Variants in OSBPL10 observed in about 807,000 individuals in gnomAD.
OSBPL10 encodes oxysterol-binding protein-related protein 10.
OSBPL10 carries 49 observed loss-of-function variants against 81.7 expected under a neutral mutation model. The ratio of observed to expected loss-of-function variants is 0.60; its 90% CI spans 0.48 to 0.76. The LOEUF (loss-of-function observed/expected upper bound fraction) is 0.76, where lower values mean the gene tolerates loss of function less well. OSBPL10 is among the 30% of genes least tolerant of loss of function. OSBPL10 has a pLI of 0.00. For synonymous variants in OSBPL10, 419 were observed against 383.6 expected, an observed-to-expected ratio of 1.09 and a Z score of -1.08; for missense variants, 923 against 987.8, an observed-to-expected ratio of 0.93 and a Z score of 0.88.
chr3:31,818,397 C>T (rs940044430), intron 4 of OSBPL10, among the ~76,000 whole-genome samples: 1 of 152,210 alleles, frequency 6.6e-6, no homozygotes, highest in African/African-American at 2.4e-5. Context: ...CTCCCAAATT[C>T]CGCGAACCAA....
chr3:32,044,461 G>A (rs564527792), intron 2 of OSBPL10, among the ~76,000 whole-genome samples: 4 of 150,428 alleles, frequency 2.7e-5, no homozygotes, highest in South Asian at 4.2e-4. Flanking sequence ...CTGAATCCTG[G>A]TCGGGTGCTG....
intron 2 of OSBPL10, among the ~76,000 whole-genome samples, chr3:32,043,270 C>A (rs530334777): frequency 1.3e-5 from 2 of 152,270 alleles, no homozygotes; most frequent in East Asian, 3.9e-4. Context: ...AGGCTCTCTG[C>A]AAGAAGAAAA....
In OSBPL10 at chr3:31,740,872, A is replaced by T. The variant is rs188536676; in HGVS notation, c.940+7038T>A. 3.9e-3 allele frequency among the ~76,000 whole-genome samples: 302 copies of T among 78,188 alleles called. 13 individuals carry two copies. Among genetic ancestry groups the T allele is most frequent in the African/African-American group, 0.032 (291 of 9,216 alleles). The allele number at this position is 78,188 out of a possible 152,430, so 51.3% of individuals were successfully genotyped here. A position where few individuals can be genotyped will look rare whatever the true frequency, so the allele number is the denominator to read the frequency against. Reference sequence around the variant, plus strand: ...CTACTAGAATTTATATATATATGTCATATTTCTTCCCAAAATACTAAAGAA... The same window carrying T: ...CTACTAGAATTTATATATATATGTCTTATTTCTTCCCAAAATACTAAAGAA... On this transcript the variant is annotated intron_variant, in intron 5 of 11. Transcript: ENST00000396556.
chr3:32,027,186 G>A (rs767244096), intron 2 of OSBPL10, among the ~76,000 whole-genome samples: 1 of 151,698 alleles, frequency 6.6e-6, no homozygotes, highest in African/African-American at 2.4e-5. Context: ...CTTTGCCCCC[G>A]ACCCCCTGAC....
chr3:31,902,555 G>A lies in OSBPL10; in HGVS notation c.282-22725C>T, dbSNP rs559683353. ...TGGGATTACAGGCATGAGCCACTGC[G>A]CCCAGCCTTCCTGCCAGTGTTTTTT... is the stretch of plus-strand genomic sequence containing the variant. On this transcript the variant is annotated intron_variant, in intron 1 of 11. Coordinates refer to ENST00000396556, the MANE Select transcript of OSBPL10 (RefSeq NM_017784.5). Among the ~76,000 whole-genome samples the A allele has an allele frequency of 4.8e-4, 73 of 151,672 alleles. No individual in the cohort carries two copies. In the South Asian group the frequency reaches 0.015, roughly 31 times the overall value.
chr3:31,894,573 G>C (rs1696000377), intron 1 of OSBPL10, among the ~76,000 whole-genome samples: 1 of 152,160 alleles, frequency 6.6e-6, no homozygotes, highest in Admixed American at 6.5e-5. Flanking sequence ...TGTTGTTGAT[G>C]CAGCAAGCCC....
In OSBPL10 at chr3:31,748,132, G is replaced by C. The variant is rs373528107; in HGVS notation, c.730-12C>G. The C allele has an allele frequency of 1.5e-4, 235 of 1,604,996 alleles. No homozygotes were observed. In the Middle Eastern group the frequency reaches 2.3e-3, roughly 16 times the overall value. ...ACCTGGTTCATCATCTACAAAACAA[G>C]AAGACAGTAAGGAGGTGAGGGGCGG... On this transcript the variant is annotated splice_polypyrimidine_tract_variant and intron_variant, in intron 4 of 11. Transcript: ENST00000396556.
intron 1 of OSBPL10, among the ~76,000 whole-genome samples, chr3:31,945,809 A>AC (rs759273649): frequency 5.9e-5 from 9 of 152,108 alleles, no homozygotes; most frequent in Non-Finnish European, 1.2e-4. Flanking sequence ...TGAGCCTGTG[A>AC]CCCCTGGTCT....
chr3:31,836,208 T>A (rs532083702), intron 3 of OSBPL10, among the ~76,000 whole-genome samples: 87 of 152,308 alleles, frequency 5.7e-4, no homozygotes, highest in African/African-American at 2.0e-3. Flanking sequence ...CATAGAAAAT[T>A]TCTTCCATTG....
intron 2 of OSBPL10, among the ~76,000 whole-genome samples, chr3:32,044,741 C>CAAAAAAAAAAAAA (rs34855965): frequency 1.5e-5 from 1 of 67,068 alleles, no homozygotes; most frequent in Non-Finnish European, 2.7e-5. Flanking sequence ...AACTCCATCT[C>CAAAAAAAAAAAAA]AAAAAAAAAA....
intron 2 of OSBPL10, among the ~76,000 whole-genome samples, chr3:32,028,927 G>GAC (rs58442955): frequency 0.034 from 3,515 of 104,802 alleles, 103 homozygotes; most frequent in African/African-American, 0.06. Context: ...AGCTAGTCAG[G>GAC]ACACACACAC....
chr3:31,875,555 TAAA>T (rs60853105), intron 3 of OSBPL10, among the ~76,000 whole-genome samples: 34,507 of 143,644 alleles, frequency 0.24, 4,129 homozygotes, highest in African/African-American at 0.27. Flanking sequence ...GATGTTTCTT[TAAA>T]AAAAAAAAAA....
At chr3:31,989,345 T>C (rs1301701729) in intron 2 of OSBPL10, 2 of 1,614,060 alleles carry the variant, frequency 1.2e-6, no homozygotes, top group African/African-American at 2.7e-5. Flanking sequence ...ACAGGGACAT[T>C]AGAAAGACAT....
chr3:31,778,419 AATAG>A (rs887854150), intron 4 of OSBPL10, among the ~76,000 whole-genome samples: 3 of 152,174 alleles, frequency 2.0e-5, no homozygotes, highest in African/African-American at 4.8e-5. Context: ...GTTTCTCTGA[AATAG>A]ATAGTTTCAA....
intron 6 of OSBPL10, among the ~76,000 whole-genome samples, chr3:31,725,470 G>A (rs1696780228): frequency 6.6e-6 from 1 of 152,118 alleles, no homozygotes; most frequent in South Asian, 2.1e-4. Flanking sequence ...TTAGTGTGAG[G>A]ATCTAAATGG....
intron 1 of OSBPL10, 74 bp from the exon 2 acceptor site, chr3:31,879,904 G>T: frequency 6.9e-7 from 1 of 1,445,322 alleles, no homozygotes; most frequent in Non-Finnish European, 9.2e-7. Context: ...AAAAAGCAAA[G>T]TGATCCAGAA....
chr3:31,820,022 T>A (rs1447723576), intron 4 of OSBPL10, among the ~76,000 whole-genome samples: 1 of 152,188 alleles, frequency 6.6e-6, no homozygotes, highest in Non-Finnish European at 1.5e-5. Context: ...AATCTCTTAA[T>A]GTAGATCTCC....
At chr3:31,867,636 A>C (rs901765300) in intron 3 of OSBPL10, among the ~76,000 whole-genome samples, 1 of 152,088 alleles carries the variant, frequency 6.6e-6, no homozygotes, top group Admixed American at 6.6e-5. Flanking sequence ...CCAGCTACTC[A>C]GGAGGCTGAG....
intron 1 of OSBPL10, among the ~76,000 whole-genome samples, chr3:31,931,014 C>CAAAA (rs60251266): frequency 1.5e-4 from 9 of 62,066 alleles, no homozygotes; most frequent in African/African-American, 5.5e-4. Flanking sequence ...GACTCGGTCT[C>CAAAA]AAAAAAAAAA....
Sources: gnomAD v4.1 joint callset for allele counts (sites outside exome capture counted in the v4.1 genomes callset) on GRCh38, gnomAD v4.1.1 for gene constraint, MANE v1.5 for transcripts, NCBI Gene and HGNC (gene_info 2026-07-23, HGNC 2026-07-21) for gene names.